Variants in FRMD3 observed in about 807,000 individuals in gnomAD.
FRMD3 encodes the protein FERM domain containing 3, also known as FERM domain-containing protein 3.
Under a neutral mutation model 70.2 loss-of-function variants are expected in FRMD3, and 33 were observed. That is an observed-to-expected ratio of 0.47 (90% CI 0.36 to 0.63). The LOEUF is 0.63. FRMD3 is among the 20% of genes least tolerant of loss of function. The probability of loss-of-function intolerance (pLI) is 0.00; values close to 1 mark genes in which losing one functional copy is unlikely to be tolerated. For missense variants in FRMD3, 632 were observed against 711.4 expected (o/e 0.89, Z 1.27); for synonymous variants, 279 against 255.9 (o/e 1.09, Z -0.86).
chr9:83,406,536 G>A (rs1181114890), intron 1 of FRMD3, among the ~76,000 whole-genome samples: 1 of 152,220 alleles, frequency 6.6e-6, no homozygotes, highest in Non-Finnish European at 1.5e-5. Flanking sequence ...TAATTTTAAA[G>A]AGCTCAGGAA....
At chr9:83,491,518 G>A (rs1306595823) in intron 1 of FRMD3, among the ~76,000 whole-genome samples, 1 of 152,098 alleles carries the variant, frequency 6.6e-6, no homozygotes, top group South Asian at 2.1e-4. Context: ...TCGACCACCT[G>A]GGAGAGAGAT....
intron 4 of FRMD3, among the ~76,000 whole-genome samples, chr9:83,348,718 CCACACACA>C (rs943151648): frequency 2.0e-5 from 3 of 151,846 alleles, no homozygotes; most frequent in South Asian, 2.1e-4. Context: ...ACCCTCATTT[CCACACACA>C]CACACCCTCT....
chr9:83,301,352 C>T (rs1834919408), intron 10 of FRMD3, among the ~76,000 whole-genome samples: 2 of 152,088 alleles, frequency 1.3e-5, no homozygotes, highest in Admixed American at 1.3e-4. Flanking sequence ...TCTACTGGAG[C>T]CTGAGAAAAG....
At chr9:83,351,637 T>C (rs933923082) in intron 3 of FRMD3, among the ~76,000 whole-genome samples, 1 of 152,058 alleles carries the variant, frequency 6.6e-6, no homozygotes, top group African/African-American at 2.4e-5. Context: ...TAAAGTACCA[T>C]CTTTAATAGA....
chr9:83,580,908 T>C, the FRMD3 span, among the ~76,000 whole-genome samples: 5 of 152,060 alleles, frequency 3.3e-5, no homozygotes, highest in Admixed American at 6.6e-5. Flanking sequence ...AAAATAATAC[T>C]AATTTTTTTA....
At chr9:83,578,168 G>T in the FRMD3 span, among the ~76,000 whole-genome samples, 1 of 151,664 alleles carries the variant, frequency 6.6e-6, no homozygotes, top group Non-Finnish European at 1.5e-5. Flanking sequence ...AATGAGTAAG[G>T]AGCTGAATCC....
Position 83,246,346 on chromosome 9 carries a change from C to T in FRMD3, c.*1572G>A, listed in dbSNP as rs2118466092. On this transcript the variant is annotated 3_prime_UTR_variant, in exon 14 of 14. Transcript: ENST00000304195. ...GCAGGTAGTCTGCATGGGAAGGCAT[C>T]AGTACGTTGCTGATGGTACAATGCT... 4.1e-6 allele frequency: 4 copies of T among 983,942 alleles called. No individual in the cohort carries two copies. The highest frequency in any genetic ancestry group is 4.8e-6 in the Non-Finnish European group (4 of 828,648). The allele number at this position is 983,942 out of a possible 1,614,324, so 61.0% of individuals were successfully genotyped here. A position where few individuals can be genotyped will look rare whatever the true frequency, so the allele number is the denominator to read the frequency against.
At chr9:83,258,537 A>G (rs1281609212) in intron 13 of FRMD3, among the ~76,000 whole-genome samples, 1 of 152,260 alleles carries the variant, frequency 6.6e-6, no homozygotes, top group African/African-American at 2.4e-5. Context: ...TAAAATGAGG[A>G]TACTAATGAC....
chr9:83,288,794 C>T (rs1834312208), intron 13 of FRMD3, among the ~76,000 whole-genome samples: 1 of 152,218 alleles, frequency 6.6e-6, no homozygotes, highest in South Asian at 2.1e-4. Flanking sequence ...AGTGGAACCT[C>T]ATTATAGAAA....
chr9:83,479,295 G>T (rs1029979233), intron 1 of FRMD3, among the ~76,000 whole-genome samples: 1 of 146,786 alleles, frequency 6.8e-6, no homozygotes, highest in African/African-American at 2.6e-5. Flanking sequence ...AAAAGAAGAA[G>T]AAGAAGAAGG....
At chr9:83,540,296 A>T (rs1829984599), upstream of FRMD3, among the ~76,000 whole-genome samples, 1 of 152,116 alleles carries the variant, frequency 6.6e-6, no homozygotes, top group Non-Finnish European at 1.5e-5. Context: ...CCACACACAC[A>T]CTTGTCCATC....
chr9:83,346,394 C>T (rs933307727), intron 4 of FRMD3, among the ~76,000 whole-genome samples: 4 of 151,396 alleles, frequency 2.6e-5, no homozygotes, highest in African/African-American at 7.3e-5. Flanking sequence ...GATGCTACAA[C>T]AGGGATGAAC....
chr9:83,441,946 A>G (rs1415868383), intron 1 of FRMD3, among the ~76,000 whole-genome samples: 1 of 152,234 alleles, frequency 6.6e-6, no homozygotes, highest in African/African-American at 2.4e-5. Flanking sequence ...AAAATGAAAT[A>G]TGTCGGACTA....
At chr9:83,517,494 CAAAAAAAAAAA>C (rs59178344) in intron 1 of FRMD3, among the ~76,000 whole-genome samples, 5 of 65,522 alleles carry the variant, frequency 7.6e-5, no homozygotes, top group Non-Finnish European at 1.1e-4. Context: ...CCTACCAATC[CAAAAAAAAAAA>C]AAAAAAAAAA....
At position 83,517,559 on chromosome 9, in the gene FRMD3, G is replaced by C. The variant is rs372456492; in HGVS notation, c.147+20526C>G. Among the ~76,000 whole-genome samples the C allele has an allele frequency of 3.4e-5, 5 of 147,474 alleles. No homozygotes were observed. In the East Asian group the frequency reaches 7.9e-4, roughly 23 times the overall value. Reference sequence around the variant, plus strand: ...GGATTCACAGGCGAATTCTACCAGAGGTACAAAAAGCACCCGGTACCATTC... The same window carrying C: ...GGATTCACAGGCGAATTCTACCAGACGTACAAAAAGCACCCGGTACCATTC... On this transcript the variant is annotated intron_variant, in intron 1 of 13. Coordinates refer to ENST00000304195, the MANE Select transcript of FRMD3 (RefSeq NM_174938.6).
intron 13 of FRMD3, chr9:83,266,987 T>A: frequency 6.5e-7 from 1 of 1,547,986 alleles, no homozygotes; most frequent in Non-Finnish European, 8.7e-7. Flanking sequence ...AGGAACAGGA[T>A]GACAGCCCAG....
chr9:83,515,999 C>T (rs1829446842), intron 1 of FRMD3, among the ~76,000 whole-genome samples: 1 of 152,132 alleles, frequency 6.6e-6, no homozygotes, highest in African/African-American at 2.4e-5. Flanking sequence ...AAACCGATAC[C>T]AGCCACTACA....
chr9:83,549,167 A>G, the FRMD3 span, among the ~76,000 whole-genome samples: 1 of 152,074 alleles, frequency 6.6e-6, no homozygotes, highest in South Asian at 2.1e-4. Context: ...ATAAGTTCTT[A>G]TCATTTAGCT....
chr9:83,453,734 G>C (rs1053960088), intron 1 of FRMD3, among the ~76,000 whole-genome samples: 1 of 38,590 alleles, frequency 2.6e-5, no homozygotes, highest in African/African-American at 8.0e-5. Context: ...TTTTTTTTTT[G>C]AGATGGAGTC....
Sources: allele counts gnomAD v4.1 joint callset (sites outside exome capture counted in the v4.1 genomes callset), GRCh38; gene constraint gnomAD v4.1.1; transcripts MANE v1.5; gene names NCBI Gene and HGNC (gene_info 2026-07-23, HGNC 2026-07-21).